REXO1: variants seen among roughly 807,000 people sequenced by gnomAD.
REXO1 encodes the protein REX1, RNA exonuclease 1 homolog.
REXO1 carries 42 observed loss-of-function variants against 102.6 expected under a neutral mutation model. The ratio of observed to expected loss-of-function variants is 0.41; its 90% CI spans 0.32 to 0.53. REXO1 has a LOEUF of 0.53. Among genes scored for constraint, REXO1 ranks in the 20% least tolerant of loss-of-function variants. REXO1 has a pLI of 0.27. For synonymous variants in REXO1, 908 were observed against 779.1 expected (o/e 1.17, Z -2.76); for missense variants, 1,819 against 1,732.5 (o/e 1.05, Z -0.89).
intron 1 of REXO1, among the ~76,000 whole-genome samples, chr19:1,838,068 G>A (rs1304176917): frequency 6.6e-6 from 1 of 152,144 alleles, no homozygotes. Flanking sequence ...CGCGCTCTGG[G>A]AGGCTGAGCC....
rs753156376 is a variant in REXO1 at position 1,817,361 on chromosome 19, T to G, written c.3091-32A>C. The G allele has an allele frequency of 3.1e-6, 5 of 1,609,086 alleles. No individual in the cohort carries two copies. The East Asian group carries it at 1.1e-4, about 36-fold the overall frequency. ...GTGGAGAAGGCAGGTGAGGGCAGCT[T>G]CGGGGTGCAGTGGGGGCGGGGGTGG... On this transcript the variant is annotated intron_variant, in intron 11 of 15. Coordinates refer to ENST00000170168, the MANE Select transcript of REXO1 (RefSeq NM_020695.4).
At position 1,817,318 on chromosome 19, in the gene REXO1, C is replaced by T; in HGVS notation, c.3102G>A (p.Gln1034=). ...CCTCAAGGCGCTCCTTCCGGCCATC[C>T]TGCACGTGTTGCTGGGGGTGGAGAA... ...VGCQVAKQHV[Q]DGRKERLEGF... is the part of the protein sequence containing the mutation. The change falls in exon 12 of 16, where the codon CAG becomes CAA. Residue 1034 remains glutamine, a synonymous_variant. Transcript: ENST00000170168. 6.2e-7 allele frequency: 1 copy of T among 1,612,648 alleles called. No individual in the cohort carries two copies. The highest frequency in any genetic ancestry group is 1.3e-5 in the African/African-American group (1 of 75,058).
At chr19:1,846,233 G>A (rs1257245382) in intron 1 of REXO1, among the ~76,000 whole-genome samples, 2 of 152,182 alleles carry the variant, frequency 1.3e-5, no homozygotes, top group Non-Finnish European at 2.9e-5. Context: ...TAAATCTGGA[G>A]GTGTGGACAT....
intron 3 of REXO1, among the ~76,000 whole-genome samples, 191 bp downstream of exon 3, chr19:1,825,648 G>GT (rs1341193316): frequency 6.6e-6 from 1 of 151,450 alleles, no homozygotes; most frequent in African/African-American, 2.4e-5. Flanking sequence ...GCTAATTTTT[G>GT]TATTTTTAGT....
rs554940407 is a variant in REXO1 at position 1,833,685 on chromosome 19, C to T, written c.158-5054G>A. On this transcript the variant is annotated intron_variant, in intron 1 of 15. Transcript: ENST00000170168. ...CGGCCCACTTCACTGGGGGAGGCTC[C>T]GGCTCCTCCCTGACCCAGCCGGCTG... Among the ~76,000 whole-genome samples, 1,154 of 152,302 alleles carry T rather than the reference C, an allele frequency of 7.6e-3. 14 individuals are homozygous for T. The highest frequency in any genetic ancestry group is 0.025 in the African/African-American group (1,059 of 41,568).
At chr19:1,830,718 G>A (rs1442986631) in intron 1 of REXO1, 1 of 243,874 alleles carries the variant, frequency 4.1e-6, no homozygotes, top group Non-Finnish European at 8.6e-6. Flanking sequence ...GTCACTGAGG[G>A]GGCCATGGAC....
Position 1,820,007 on chromosome 19 carries a change from G to T in REXO1, c.2577C>A (p.Ile859=), listed in dbSNP as rs143298291. The change falls in exon 7 of 16, where the codon ATC becomes ATA. Residue 859 remains isoleucine, a synonymous_variant. Coordinates refer to ENST00000170168, the MANE Select transcript of REXO1 (RefSeq NM_020695.4). Reference sequence around the variant, plus strand: ...GGGTGTTCACGGCCACATTCAGGTAGATGTTCTTGCTGGGGCTGCGGTCAT... The same window carrying T: ...GGGTGTTCACGGCCACATTCAGGTATATGTTCTTGCTGGGGCTGCGGTCAT... ...VAYDRSPSKN[I]YLNVAVNTLK... is the part of the protein sequence containing the mutation. 5.6e-6 allele frequency: 9 copies of T among 1,601,464 alleles called. No homozygotes were observed. The African/African-American group carries it at 1.2e-4, about 22-fold the overall frequency.
At chr19:1,836,801 C>T (rs887113397) in intron 1 of REXO1, among the ~76,000 whole-genome samples, 2 of 151,872 alleles carry the variant, frequency 1.3e-5, no homozygotes, top group African/African-American at 4.8e-5. Context: ...CTCCGGACAC[C>T]GTTCGGTGGG....
intron 4 of REXO1, chr19:1,822,030 C>T (rs2069560402): frequency 3.9e-6 from 2 of 510,924 alleles, no homozygotes; most frequent in African/African-American, 2.0e-5. Flanking sequence ...TCTCGGGTGC[C>T]CCCACCTGCT....
In REXO1 at chr19:1,827,790, G is replaced by T; in HGVS notation, c.999C>A (p.Gly333=). 1 of 1,592,706 alleles carries T rather than the reference G, an allele frequency of 6.3e-7. No individual in the cohort carries two copies. The highest frequency in any genetic ancestry group is 8.5e-7 in the Non-Finnish European group (1 of 1,174,414). ...SKEGLEAEGG[G]LRETKETAVQ... is the part of the protein sequence containing the mutation. ...CGGCCGTCTCCTTGGTCTCCCGCAG[G>T]CCGCCCCCCTCGGCCTCCAGGCCCT... The change falls in exon 2 of 16, where the codon GGC becomes GGA. Residue 333 remains glycine (G), a synonymous_variant. Transcript: ENST00000170168.
Position 1,827,974 on chromosome 19 carries a change from G to A in REXO1, c.815C>T (p.Pro272Leu). Residue 272 changes from proline to leucine, a missense_variant, in exon 2 of 16, where the codon CCC becomes CTC. By Grantham distance (98) the Pro-to-Leu change is moderately conservative. Coordinates refer to ENST00000170168, the MANE Select transcript of REXO1 (RefSeq NM_020695.4). Reference sequence around the variant, plus strand: ...GCCAAAGGGGTCACAGAGCTTCTTGGGAGCAGGTGTGTAGGGCTCACTGCC... The same window carrying A: ...GCCAAAGGGGTCACAGAGCTTCTTGAGAGCAGGTGTGTAGGGCTCACTGCC... Reference protein sequence around the residue: ...SRGSEPYTPAPKKLCDPFGSC... With the variant: ...SRGSEPYTPALKKLCDPFGSC... 6.2e-7 allele frequency: 1 copy of A among 1,613,604 alleles called. No homozygotes were observed. Among genetic ancestry groups the A allele is most frequent in the South Asian group, 1.1e-5 (1 of 91,082 alleles).
chr19:1,825,736 A>G (rs757648485), intron 3 of REXO1, 103 bp downstream of exon 3: 48 of 797,200 alleles, frequency 6.0e-5, no homozygotes, highest in Non-Finnish European at 8.6e-5. Context: ...TTGGCCTCCC[A>G]AAGTGCTGGG....
intron 4 of REXO1, chr19:1,822,014 G>A (rs906296164): frequency 8.0e-5 from 42 of 526,652 alleles, no homozygotes; most frequent in Non-Finnish European, 1.2e-4. Context: ...ACAGAGGACC[G>A]AAGGGTCTCG....
rs1171588978 is a variant in REXO1, at chr19:1,827,095, C to T, written c.1694G>A (p.Gly565Glu). The change falls in exon 2 of 16, where the codon GGG (glycine) becomes GAG (glutamate). Residue 565 changes from glycine to glutamate, a missense_variant. Physicochemically the swap from Gly to Glu is moderately conservative, Grantham distance 98. Transcript: ENST00000170168. ...DSSLGFPEAQ[G>E]PPKRLKASPP... ...GGAGGCCTTGAGCCGCTTGGGCGGC[C>T]CCTGCGCCTCCGGGAAGCCCAGGCT... 6.5e-7 allele frequency: 1 copy of T among 1,541,132 alleles called. No homozygotes were observed. Among genetic ancestry groups the T allele is most frequent in the Non-Finnish European group, 8.7e-7 (1 of 1,145,528 alleles).
rs2011648066 is a variant in REXO1, at chr19:1,848,213, G to A, written c.146C>T (p.Pro49Leu). Residue 49 changes from proline to leucine, a missense_variant, in exon 1 of 16, where the codon CCC (proline) becomes CTC (leucine). Pro to Leu is a moderately conservative substitution (Grantham distance 98, BLOSUM62 -3). Coordinates refer to ENST00000170168, the MANE Select transcript of REXO1 (RefSeq NM_020695.4). ...CGGGCGGGCATTACCTGCTGCGGGG[G>A]GCGCCTCTCCGCCGTCACCGGGCGC... ...SGAPGDGGEA[P>L]PAAGLGYDPY... The A allele has an allele frequency of 1.6e-6, 2 of 1,222,478 alleles. No homozygotes were observed. The highest frequency in any genetic ancestry group is 6.5e-5 in the East Asian group (2 of 30,802). The allele number at this position is 1,222,478 out of a possible 1,614,324, so 75.7% of individuals were successfully genotyped here. A position where few individuals can be genotyped will look rare whatever the true frequency, so the allele number is the denominator to read the frequency against.
rs573154677 is a variant in REXO1 at position 1,826,111 on chromosome 19, G to A, written c.1912-168C>T. ...CCCTGGGCTTTGTGTGGGTGCAGTCGGAGGGGTGGGCAGGTGTCACACGTT... is the reference window on the plus strand; with the variant it reads ...CCCTGGGCTTTGTGTGGGTGCAGTCAGAGGGGTGGGCAGGTGTCACACGTT... On this transcript the variant is annotated intron_variant, in intron 2 of 15. Coordinates refer to ENST00000170168, the MANE Select transcript of REXO1 (RefSeq NM_020695.4). This position sits in a 1 kb window ranked among gnomAD's most constrained non-coding sequence, Gnocchi z 4.3. Among the ~76,000 whole-genome samples the A allele has an allele frequency of 1.3e-3, 193 of 152,226 alleles. 1 individual carries two copies. Among genetic ancestry groups the A allele is most frequent in the African/African-American group, 4.0e-3 (164 of 41,504 alleles).
At chr19:1,816,378 G>A in intron 14 of REXO1, 33 bp from the exon 15 acceptor site, 1 of 1,595,056 alleles carries the variant, frequency 6.3e-7, no homozygotes, top group South Asian at 1.1e-5. Flanking sequence ...GCGCACGTGG[G>A]GCCTGCGCAG....
Position 1,826,920 on chromosome 19 carries a change from G to A in REXO1, c.1869C>T (p.Ser623=). The A allele has an allele frequency of 6.3e-7, 1 of 1,584,120 alleles. No individual in the cohort carries two copies. Among genetic ancestry groups the A allele is most frequent in the Non-Finnish European group, 8.6e-7 (1 of 1,166,064 alleles). The change falls in exon 2 of 16, where the codon TCC becomes TCT. Residue 623 remains serine (S), a synonymous_variant. Transcript: ENST00000170168. The surrounding 1 kb of genome is among the most constrained non-coding windows in gnomAD (Gnocchi z 4.3). ...CTCTGTCCTCCGTCTTGACGCTGGT[G>A]GACTCGTTGAAGATCCGCAGGCACT... is the stretch of plus-strand genomic sequence containing the variant. ...MEECLRIFNE[S]TSVKTEDRGR...
chr19:1,828,322 T>C lies in REXO1; in HGVS notation c.467A>G (p.His156Arg), dbSNP rs746220675. Residue 156 changes from histidine (H) to arginine (R), a missense_variant, in exon 2 of 16, where the codon CAC (histidine) becomes CGC (arginine). By Grantham distance (29) the His-to-Arg change is conservative. Coordinates refer to ENST00000170168, the MANE Select transcript of REXO1 (RefSeq NM_020695.4). Reference sequence around the variant, plus strand: ...GCCGGCATCAGGGCTTAATAGGCCGTGGCTGCCGGGGCTGTAGTCGAAGGC... The same window carrying C: ...GCCGGCATCAGGGCTTAATAGGCCGCGGCTGCCGGGGCTGTAGTCGAAGGC... ...PLAFDYSPGS[H>R]GLLSPDAGYQ... is the part of the protein sequence containing the mutation. 3.1e-6 allele frequency: 5 copies of C among 1,609,746 alleles called. No homozygotes were observed. The highest frequency in any genetic ancestry group is 1.3e-5 in the African/African-American group (1 of 74,864).
Sources: gnomAD v4.1 joint callset for allele counts (sites outside exome capture counted in the v4.1 genomes callset) on GRCh38, gnomAD v4.1.1 for gene constraint, Gnocchi (gnomAD v3.1) non-coding constraint, MANE v1.5 for transcripts, NCBI Gene and HGNC (gene_info 2026-07-23, HGNC 2026-07-21) for gene names.